Variants in PCDHA2 observed in about 807,000 individuals in gnomAD.
PCDHA2 encodes protocadherin alpha-2.
Under a neutral mutation model 66.0 loss-of-function variants are expected in PCDHA2, and 58 were observed. That is an observed-to-expected ratio of 0.88 (90% CI 0.71 to 1.09). PCDHA2 has a LOEUF of 1.09. Among genes scored for constraint, PCDHA2 ranks in the 50% least tolerant of loss-of-function variants. The pLI, the probability that PCDHA2 is intolerant of heterozygous loss-of-function variation, is 0.00. For missense variants in PCDHA2, 1,267 were observed against 1,242.3 expected (o/e 1.02, Z -0.30); for synonymous variants, 634 against 554.0 (o/e 1.14, Z -2.03).
At chr5:140,967,790 C>T in intron 1 of PCDHA2, 1 of 1,614,188 alleles carries the variant, frequency 6.2e-7, no homozygotes, top group Non-Finnish European at 8.5e-7. Flanking sequence ...TGACCGGGGT[C>T]CAGTGCCCAT....
At chr5:140,919,518 T>C (rs1027780107) in intron 1 of PCDHA2, among the ~76,000 whole-genome samples, 1 of 152,194 alleles carries the variant, frequency 6.6e-6, no homozygotes. Context: ...TATGTTTTAA[T>C]TCTCTTTTTT....
chr5:140,931,579 A>G (rs1464146269), intron 1 of PCDHA2, among the ~76,000 whole-genome samples: 2 of 152,102 alleles, frequency 1.3e-5, no homozygotes, highest in Non-Finnish European at 2.9e-5. Flanking sequence ...CCATTCATTC[A>G]GTTGAACAGT....
At position 140,835,855 on chromosome 5, in the gene PCDHA2, C is replaced by T. The variant is rs2150246728; in HGVS notation, c.2388+38503C>T. On this transcript the variant is annotated intron_variant, in intron 1 of 3. Coordinates refer to ENST00000526136, the MANE Select transcript of PCDHA2 (RefSeq NM_018905.3). ...GACGCGCAGAAGAACGCGCTGGTGT[C>T]CTACTCGCTGGTGGAGCTGCGGGTG... 9.9e-6 allele frequency: 16 copies of T among 1,612,246 alleles called. 1 individual carries two copies. In the East Asian group the frequency reaches 3.6e-4, roughly 36 times the overall value.
rs782742092 is a variant in PCDHA2, at chr5:140,797,019, C to A, written c.2055C>A (p.Gly685=). 6.2e-7 allele frequency: 1 copy of A among 1,613,680 alleles called. No homozygotes were observed. Among genetic ancestry groups the A allele is most frequent in the South Asian group, 1.1e-5 (1 of 91,080 alleles). ...APKASSRAWV[G]AAGSEATLVD... Reference sequence around the variant, plus strand: ...AGGCCTCGTCGCGGGCGTGGGTGGGCGCCGCGGGCTCAGAGGCTACGCTGG... The same window carrying A: ...AGGCCTCGTCGCGGGCGTGGGTGGGAGCCGCGGGCTCAGAGGCTACGCTGG... The change falls in exon 1 of 4, where the codon GGC becomes GGA. Residue 685 remains glycine, a synonymous_variant. Coordinates refer to ENST00000526136, the MANE Select transcript of PCDHA2 (RefSeq NM_018905.3).
chr5:140,796,929 C>G lies in PCDHA2; in HGVS notation c.1965C>G (p.Gly655=). Residue 655 remains glycine (G), a synonymous_variant, in exon 1 of 4, where the codon GGC becomes GGG. Coordinates refer to ENST00000526136, the MANE Select transcript of PCDHA2 (RefSeq NM_018905.3). ...TACTCGTGCTGGTGAAGGACCACGG[C>G]GAACCAGCGTTGACAGCCACGGCCA... is the stretch of plus-strand genomic sequence containing the variant. ...HRLLVLVKDH[G]EPALTATATV... is the part of the protein sequence containing the mutation. 1.2e-6 allele frequency: 2 copies of G among 1,613,834 alleles called. No individual in the cohort carries two copies. The highest frequency in any genetic ancestry group is 1.7e-6 in the Non-Finnish European group (2 of 1,179,988).
Position 140,794,935 on chromosome 5 carries a change from C to T in PCDHA2, c.-30C>T, listed in dbSNP as rs1554119196. 6.3e-7 allele frequency: 1 copy of T among 1,582,214 alleles called. No homozygotes were observed. The stretch of plus-strand genomic sequence containing the variant: ...TTAAATTTTTGCAAAACATGCTCTT[C>T]TAATTTGATCAAAACATTGAGGATT... On this transcript the variant is annotated 5_prime_UTR_variant, in exon 1 of 4. Transcript: ENST00000526136.
intron 1 of PCDHA2, chr5:140,842,773 G>A: frequency 6.3e-7 from 1 of 1,594,638 alleles, no homozygotes; most frequent in Non-Finnish European, 8.6e-7. Context: ...ACGCGGACGC[G>A]CAGGAGAACG....
chr5:140,797,015 T>A lies in PCDHA2; in HGVS notation c.2051T>A (p.Val684Glu). ...CCCAAGGCCTCGTCGCGGGCGTGGG[T>A]GGGCGCCGCGGGCTCAGAGGCTACG... ...QAPKASSRAW[V>E]GAAGSEATLV... Residue 684 changes from valine to glutamate, a missense_variant, in exon 1 of 4, where the codon GTG becomes GAG. By Grantham distance (121) the Val-to-Glu change is moderately radical. Coordinates refer to ENST00000526136, the MANE Select transcript of PCDHA2 (RefSeq NM_018905.3). 6.2e-7 allele frequency: 1 copy of A among 1,613,598 alleles called. No individual in the cohort carries two copies. The highest frequency in any genetic ancestry group is 1.7e-5 in the Admixed American group (1 of 60,024).
intron 1 of PCDHA2, among the ~76,000 whole-genome samples, chr5:140,833,892 C>A (rs1772707786): frequency 1.3e-5 from 2 of 152,052 alleles, no homozygotes; most frequent in Non-Finnish European, 2.9e-5. Context: ...GGATCTAGAT[C>A]AAAGGAATTT....
chr5:140,898,284 T>C (rs2066636432), intron 1 of PCDHA2, among the ~76,000 whole-genome samples: 1 of 152,254 alleles, frequency 6.6e-6, no homozygotes, highest in South Asian at 2.1e-4. Flanking sequence ...TTCTGAATGG[T>C]AATGCCTAGG....
chr5:140,869,381 A>G, intron 1 of PCDHA2: 2 of 1,614,128 alleles, frequency 1.2e-6, no homozygotes, highest in South Asian at 1.1e-5. Flanking sequence ...ATCGACCGCG[A>G]GGAGCTGTGC....
chr5:141,001,489 T>C (rs2098020927), intron 3 of PCDHA2, among the ~76,000 whole-genome samples: 3 of 152,236 alleles, frequency 2.0e-5, no homozygotes. Context: ...GTGCTGGAAA[T>C]GCTAGCCCAG....
chr5:140,852,939 T>C (rs995213458), intron 1 of PCDHA2: 2 of 590,456 alleles, frequency 3.4e-6, no homozygotes, highest in Non-Finnish European at 4.4e-6. Context: ...AGTGCAGTGG[T>C]GCCATCTTGG....
chr5:140,841,831 C>G (rs2150323800), intron 1 of PCDHA2: 1 of 1,613,930 alleles, frequency 6.2e-7, no homozygotes, highest in East Asian at 2.2e-5. Context: ...TGTTAACCTA[C>G]AGGCTTAGCT....
intron 3 of PCDHA2, 22 bp downstream of exon 3, chr5:140,982,585 ATTCT>A: frequency 6.2e-7 from 1 of 1,611,974 alleles, no homozygotes; most frequent in Non-Finnish European, 8.5e-7. Flanking sequence ...GGGTCTCTCC[ATTCT>A]TTCTTGGTTT....
At chr5:140,828,367 C>G (rs2150154569) in intron 1 of PCDHA2, 12 of 1,614,132 alleles carry the variant, frequency 7.4e-6, no homozygotes, top group East Asian at 2.2e-5. Context: ...GGATCGACCG[C>G]GAGGAGCTGT....
intron 1 of PCDHA2, chr5:140,814,309 C>G (rs1765483088): frequency 6.6e-6 from 1 of 152,072 alleles, no homozygotes; most frequent in Non-Finnish European, 1.5e-5. Flanking sequence ...TCATTGTCTT[C>G]CACCTCCATA....
Position 140,857,279 on chromosome 5 carries a change from G to T in PCDHA2, c.2388+59927G>T, listed in dbSNP as rs782434219. ...TTACTACTCATTGGTGCTGGACAGC[G>T]CTCTGGACCGCGAGAGGGTGTCGGC... On this transcript the variant is annotated intron_variant, in intron 1 of 3. Transcript: ENST00000526136. 22 of 1,598,726 alleles carry T rather than the reference G, an allele frequency of 1.4e-5. No homozygotes were observed. The East Asian group carries it at 4.7e-4, about 34-fold the overall frequency.
intron 1 of PCDHA2, among the ~76,000 whole-genome samples, chr5:140,901,055 A>G (rs1454535703): frequency 6.6e-6 from 1 of 152,088 alleles, no homozygotes; most frequent in African/African-American, 2.4e-5. Context: ...AAATTAGATT[A>G]TTAGATTTTT....
Sources: allele counts gnomAD v4.1 joint callset (sites outside exome capture counted in the v4.1 genomes callset), GRCh38; gene constraint gnomAD v4.1.1; transcripts MANE v1.5; gene names NCBI Gene and HGNC (gene_info 2026-07-23, HGNC 2026-07-21).